The following PARD3 variants were observed in gnomAD, a reference collection of about 807,000 sequenced individuals.
The protein encoded by PARD3 is partitioning defective 3 homolog.
A neutral mutation model predicts 155.4 loss-of-function variants in PARD3; 75 were observed. That is an observed-to-expected ratio of 0.48 (90% confidence interval 0.40 to 0.58). PARD3 has a LOEUF of 0.58. Ranked by LOEUF, PARD3 falls within the 20% of genes least tolerant of loss-of-function variation. The pLI, the probability that PARD3 is intolerant of heterozygous loss-of-function variation, is 0.00. For synonymous variants in PARD3, 576 were observed against 610.5 expected (o/e 0.94, Z 0.83); for missense variants, 1,642 against 1,721.7 (o/e 0.95, Z 0.82).
chr10:34,603,188 G>C (rs999528621), intron 2 of PARD3, among the ~76,000 whole-genome samples: 1 of 152,170 alleles, frequency 6.6e-6, no homozygotes, highest in Non-Finnish European at 1.5e-5. Flanking sequence ...CTGGCTGACA[G>C]GTTGTCAAAA....
At chr10:34,749,494 A>G (rs1835724052) in intron 1 of PARD3, among the ~76,000 whole-genome samples, 1 of 151,646 alleles carries the variant, frequency 6.6e-6, no homozygotes, top group South Asian at 2.1e-4. Flanking sequence ...TAAACTATAT[A>G]TAAATTATAA....
At chr10:34,668,801 C>A (rs2093552232) in intron 2 of PARD3, among the ~76,000 whole-genome samples, 1 of 152,054 alleles carries the variant, frequency 6.6e-6, no homozygotes, top group Non-Finnish European at 1.5e-5. Context: ...AGCAAAACCC[C>A]GTCTCTACTA....
intron 6 of PARD3, among the ~76,000 whole-genome samples, chr10:34,401,369 A>T (rs1186216061): frequency 3.9e-5 from 6 of 152,306 alleles, no homozygotes; most frequent in African/African-American, 1.4e-4. Context: ...TTCAAACAAC[A>T]ATAAATACAT....
At chr10:34,686,206 G>C (rs1046448693) in intron 2 of PARD3, among the ~76,000 whole-genome samples, 1 of 152,094 alleles carries the variant, frequency 6.6e-6, no homozygotes, top group African/African-American at 2.4e-5. Context: ...TATTTTTACA[G>C]CTTGTAGCTC....
At chr10:34,380,571 A>G (rs1001833115) in intron 9 of PARD3, among the ~76,000 whole-genome samples, 2 of 151,950 alleles carry the variant, frequency 1.3e-5, no homozygotes, top group African/African-American at 4.8e-5. Flanking sequence ...CTTTTTTTGG[A>G]GAATCTGTAT....
chr10:34,207,539 C>T (rs1564482464), intron 22 of PARD3, among the ~76,000 whole-genome samples: 1 of 152,166 alleles, frequency 6.6e-6, no homozygotes, highest in Non-Finnish European at 1.5e-5. Flanking sequence ...CAGGCTGGGA[C>T]ACCATGGATC....
intron 1 of PARD3, among the ~76,000 whole-genome samples, chr10:34,777,400 C>T (rs1364822924): frequency 6.6e-6 from 1 of 152,114 alleles, no homozygotes; most frequent in African/African-American, 2.4e-5. Flanking sequence ...AGCCCCATGT[C>T]CTCACATATG....
At chr10:34,143,137 T>C (rs1050349633) in intron 22 of PARD3, among the ~76,000 whole-genome samples, 1 of 152,100 alleles carries the variant, frequency 6.6e-6, no homozygotes, top group Non-Finnish European at 1.5e-5. Flanking sequence ...CTGGCCAACA[T>C]GGTGAAACCC....
intron 20 of PARD3, among the ~76,000 whole-genome samples, chr10:34,314,490 TC>T (rs1957884719): frequency 6.6e-6 from 1 of 152,328 alleles, no homozygotes; most frequent in African/African-American, 2.4e-5. Context: ...TGGTTTGCAA[TC>T]TGATAGAACC....
At chr10:34,579,077 C>T (rs2087155493) in intron 2 of PARD3, among the ~76,000 whole-genome samples, 1 of 152,174 alleles carries the variant, frequency 6.6e-6, no homozygotes, top group Non-Finnish European at 1.5e-5. Flanking sequence ...CAAGACCAGC[C>T]TGTCCAACAT....
At chr10:34,585,242 G>A (rs534397736) in intron 2 of PARD3, among the ~76,000 whole-genome samples, 32 of 152,140 alleles carry the variant, frequency 2.1e-4, no homozygotes, top group Middle Eastern at 3.4e-3. Context: ...TCACTTACTC[G>A]AAAATCGTGA....
chr10:34,526,176 G>GAC (rs1236256593), intron 2 of PARD3, among the ~76,000 whole-genome samples: 1 of 147,770 alleles, frequency 6.8e-6, no homozygotes, highest in Admixed American at 6.8e-5. Flanking sequence ...CTCATACACA[G>GAC]ACACACACAC....
chr10:34,688,517 T>A (rs1287514199), intron 2 of PARD3, among the ~76,000 whole-genome samples: 1 of 152,216 alleles, frequency 6.6e-6, no homozygotes, highest in Non-Finnish European at 1.5e-5. Flanking sequence ...AAACTGAGAC[T>A]GAGATGCTAA....
intron 12 of PARD3, 144 bp from the exon 13 acceptor site, chr10:34,360,403 A>G: frequency 1.7e-6 from 1 of 595,686 alleles, no homozygotes; most frequent in Non-Finnish European, 3.0e-6. Flanking sequence ...CCATGAAAAC[A>G]CTACATCTGC....
chr10:34,421,528 A>C (rs1160899302), intron 5 of PARD3, among the ~76,000 whole-genome samples: 1 of 152,026 alleles, frequency 6.6e-6, no homozygotes, highest in Non-Finnish European at 1.5e-5. Context: ...CTACCGCTTG[A>C]AGTAAACTTT....
chr10:34,234,084 C>A (rs1309008014), intron 22 of PARD3, among the ~76,000 whole-genome samples: 1 of 149,656 alleles, frequency 6.7e-6, no homozygotes, highest in Admixed American at 6.7e-5. Flanking sequence ...ATTTCTGATA[C>A]AACTACTGAT....
At chr10:34,227,881 TATACTGGGA>T (rs1952701644) in intron 22 of PARD3, among the ~76,000 whole-genome samples, 2 of 133,732 alleles carry the variant, frequency 1.5e-5, no homozygotes, top group African/African-American at 5.9e-5. Context: ...TATATATATA[TATACTGGGA>T]ATATATATGT....
At chr10:34,246,038 G>T (rs1466946305) in intron 22 of PARD3, among the ~76,000 whole-genome samples, 3 of 152,200 alleles carry the variant, frequency 2.0e-5, no homozygotes, top group Non-Finnish European at 4.4e-5. Flanking sequence ...ACACAGGAGA[G>T]CACTAGTGAC....
intron 22 of PARD3, among the ~76,000 whole-genome samples, chr10:34,148,679 T>C (rs936344526): frequency 5.3e-5 from 8 of 152,154 alleles, no homozygotes; most frequent in African/African-American, 1.9e-4. Context: ...ATGTTTTCCA[T>C]AGAGATAAAT....
Sources: gnomAD v4.1 joint callset for allele counts (sites outside exome capture counted in the v4.1 genomes callset) on GRCh38, gnomAD v4.1.1 for gene constraint, MANE v1.5 for transcripts, NCBI Gene and HGNC (gene_info 2026-07-23, HGNC 2026-07-21) for gene names.